Variants in PTCD2 observed in about 807,000 individuals in gnomAD.
PTCD2 encodes the protein pentatricopeptide repeat domain 2.
PTCD2 carries 31 observed loss-of-function variants against 42.6 expected under a neutral mutation model. The ratio of observed to expected loss-of-function variants is 0.73; its 90% CI spans 0.55 to 0.98. PTCD2 has a LOEUF of 0.98. PTCD2 is among the 50% of genes least tolerant of loss of function. The pLI, the probability that PTCD2 is intolerant of heterozygous loss-of-function variation, is 0.00. For synonymous variants in PTCD2, 183 were observed against 170.9 expected, an observed-to-expected ratio of 1.07 and a Z score of -0.55; for missense variants, 476 against 454.8, an observed-to-expected ratio of 1.05 and a Z score of -0.42.
intron 3 of PTCD2, among the ~76,000 whole-genome samples, chr5:72,326,949 TA>T (rs138414966): frequency 0.011 from 1,654 of 152,298 alleles, 28 homozygotes; most frequent in African/African-American, 0.038. Context: ...TGCTGGGTGC[TA>T]AGGATAGAAA....
intron 4 of PTCD2, among the ~76,000 whole-genome samples, chr5:72,333,808 G>C (rs940867721): frequency 1.3e-5 from 2 of 152,082 alleles, no homozygotes; most frequent in African/African-American, 4.8e-5. Flanking sequence ...AATTAGCTTG[G>C]CTTAGCCATT....
chr5:72,333,325 A>G (rs554551261), intron 4 of PTCD2, among the ~76,000 whole-genome samples: 1 of 152,218 alleles, frequency 6.6e-6, no homozygotes, highest in African/African-American at 2.4e-5. Context: ...ACTACCTTCC[A>G]TCCATCTTCT....
intron 4 of PTCD2, among the ~76,000 whole-genome samples, chr5:72,332,287 G>A (rs868838957): frequency 6.6e-6 from 1 of 152,044 alleles, no homozygotes; most frequent in Non-Finnish European, 1.5e-5. Context: ...AATGACACCT[G>A]TGTATTAGAA....
rs1753174008 is a variant in PTCD2 at position 72,365,252 on chromosome 5, CTG to C, written c.*6828_*6829del. Reference sequence around the variant, plus strand: ...AAGGCATCACGGTCTGTGAACTGGTCTGTGAACTGCGGGCCTGCCTGGAAATG... The same window carrying C: ...AAGGCATCACGGTCTGTGAACTGGTCTGAACTGCGGGCCTGCCTGGAAATG... On this transcript the variant is annotated 3_prime_UTR_variant, in exon 10 of 10. Coordinates refer to ENST00000380639, the MANE Select transcript of PTCD2 (RefSeq NM_024754.5). 2 of 152,374 alleles carry C rather than the reference CTG, an allele frequency of 1.3e-5. No homozygotes were observed. The highest frequency in any genetic ancestry group is 4.8e-5 in the African/African-American group (2 of 41,568). 9.4% of individuals were successfully genotyped at this position (152,374 alleles called of 1,614,324 possible). A position where few individuals can be genotyped will look rare whatever the true frequency, so the allele number is the denominator to read the frequency against.
rs374476238 is a variant in PTCD2 at position 72,335,049 on chromosome 5, C to T, written c.500C>T (p.Ser167Leu). ...HLRGFFSDSTSFNILMDMLFI... is the reference protein window; with the variant it reads ...HLRGFFSDSTLFNILMDMLFI... Reference sequence around the variant, plus strand: ...CGAGGTTTCTTCTCAGACTCCACATCATTCAATATTTTGATGGATATGTTA... The same window carrying T: ...CGAGGTTTCTTCTCAGACTCCACATTATTCAATATTTTGATGGATATGTTA... Residue 167 changes from serine (S) to leucine (L), a missense_variant, in exon 5 of 10, where the codon TCA (serine) becomes TTA (leucine). Transcript: ENST00000380639. 1.9e-6 allele frequency: 3 copies of T among 1,594,814 alleles called. No individual in the cohort carries two copies. The African/African-American group carries it at 4.0e-5, about 21-fold the overall frequency.
At position 72,352,736 on chromosome 5, in the gene PTCD2, T is replaced by C. The variant is rs201695093; in HGVS notation, c.924T>C (p.His308=). The change falls in exon 9 of 10, where the codon CAT becomes CAC. Residue 308 remains histidine, a synonymous_variant. Coordinates refer to ENST00000380639, the MANE Select transcript of PTCD2 (RefSeq NM_024754.5). ...ATTTATCAAAATTTGTGAAAAGACATGTGTTCTCGGAGGAAGTGGTGAGTA... is the reference window on the plus strand; with the variant it reads ...ATTTATCAAAATTTGTGAAAAGACACGTGTTCTCGGAGGAAGTGGTGAGTA... ...EGNLSKFVKR[H]VFSEEVLAKV... is the part of the protein sequence containing the mutation. 12 of 1,582,048 alleles carry C rather than the reference T, an allele frequency of 7.6e-6. No homozygotes were observed. The East Asian group carries it at 2.0e-4, about 27-fold the overall frequency.
At chr5:72,337,475 G>T (rs1580161935) in intron 6 of PTCD2, among the ~76,000 whole-genome samples, 1 of 152,010 alleles carries the variant, frequency 6.6e-6, no homozygotes. Flanking sequence ...GCCTCCCTGA[G>T]TGTATACTGC....
intron 8 of PTCD2, among the ~76,000 whole-genome samples, chr5:72,348,520 G>A (rs557109861): frequency 1.3e-5 from 2 of 152,106 alleles, no homozygotes; most frequent in African/African-American, 2.4e-5. Context: ...CAGCTAATAC[G>A]TGATACATAC....
chr5:72,342,052 T>A (rs867029060), intron 7 of PTCD2, among the ~76,000 whole-genome samples: 1 of 150,736 alleles, frequency 6.6e-6, no homozygotes, highest in Admixed American at 6.6e-5. Context: ...CTAAAAAAAA[T>A]AATAATAAAA....
In PTCD2 at chr5:72,335,003, GTTC is replaced by G. The variant is rs1487987599; in HGVS notation, c.469-8_469-6del. On this transcript the variant is annotated splice_polypyrimidine_tract_variant and intron_variant, in intron 4 of 9. Coordinates refer to ENST00000380639, the MANE Select transcript of PTCD2 (RefSeq NM_024754.5). ...TTTTAACTTTTAACCAAACTGTATTGTTCTTCTTCGTTAGCATTTACGAGGTTT... is the reference window on the plus strand; with the variant it reads ...TTTTAACTTTTAACCAAACTGTATTGTTCTTCGTTAGCATTTACGAGGTTT... 6.5e-6 allele frequency: 10 copies of G among 1,532,976 alleles called. No homozygotes were observed. The highest frequency in any genetic ancestry group is 9.0e-6 in the Non-Finnish European group (10 of 1,107,140). 95.0% of individuals were successfully genotyped at this position (1,532,976 alleles called of 1,614,324 possible).
intron 1 of PTCD2, 62 bp downstream of exon 1, chr5:72,320,571 C>A: frequency 6.2e-7 from 1 of 1,602,624 alleles, no homozygotes. Flanking sequence ...GTGTTAGATC[C>A]CAGCTAGCAT....
rs763769278 is a variant in PTCD2 at position 72,365,593 on chromosome 5, A to T, written c.*7166A>T. 1.3e-5 allele frequency: 2 copies of T among 152,220 alleles called. No homozygotes were observed. Among genetic ancestry groups the T allele is most frequent in the Non-Finnish European group, 2.9e-5 (2 of 68,058 alleles). 9.4% of individuals were successfully genotyped at this position (152,220 alleles called of 1,614,324 possible). ...ATTCTACCGCATCCCAGGGAGACTC[A>T]TGTAGCCATGAAGACTGAAGAGGAT... On this transcript the variant is annotated 3_prime_UTR_variant, in exon 10 of 10. Coordinates refer to ENST00000380639, the MANE Select transcript of PTCD2 (RefSeq NM_024754.5).
At chr5:72,353,400 T>C (rs1752715979) in intron 9 of PTCD2, among the ~76,000 whole-genome samples, 1 of 152,172 alleles carries the variant, frequency 6.6e-6, no homozygotes, top group Admixed American at 6.6e-5. Context: ...TCTGTACAAA[T>C]GAAAAGACAG....
intron 6 of PTCD2, among the ~76,000 whole-genome samples, chr5:72,337,874 G>T (rs1193124791): frequency 6.6e-6 from 1 of 152,216 alleles, no homozygotes. Flanking sequence ...AGAATAACTT[G>T]TTTCACCCAG....
rs1580202714 is a variant in PTCD2 at position 72,366,964 on chromosome 5, A to G, written c.*8537A>G. ...CAAATTGAGAAGGAAAATCCCCCCAATTAACTGTTTGCCTTTATTAACTAA... is the reference window on the plus strand; with the variant it reads ...CAAATTGAGAAGGAAAATCCCCCCAGTTAACTGTTTGCCTTTATTAACTAA... On this transcript the variant is annotated 3_prime_UTR_variant, in exon 10 of 10. Transcript: ENST00000380639. 1 of 152,240 alleles carries G rather than the reference A, an allele frequency of 6.6e-6. No homozygotes were observed. The highest frequency in any genetic ancestry group is 2.4e-5 in the African/African-American group (1 of 41,468). 9.4% of individuals were successfully genotyped at this position (152,240 alleles called of 1,614,324 possible).
Position 72,358,265 on chromosome 5 carries a change from C to A in PTCD2, c.1005C>A (p.Ile335=). 1 of 1,614,076 alleles carries A rather than the reference C, an allele frequency of 6.2e-7. No homozygotes were observed. The highest frequency in any genetic ancestry group is 8.5e-7 in the Non-Finnish European group (1 of 1,180,004). ...CCCTTGTGGCCAAATTTGATGAGAT[C>A]TATGGGACACTGCACATCACTGGCC... The part of the protein sequence containing the change: ...VPALVAKFDE[I]YGTLHITGQV... Residue 335 remains isoleucine, a synonymous_variant, in exon 10 of 10, where the codon ATC becomes ATA. Coordinates refer to ENST00000380639, the MANE Select transcript of PTCD2 (RefSeq NM_024754.5).
chr5:72,330,608 T>C (rs962949173), intron 3 of PTCD2, among the ~76,000 whole-genome samples: 20 of 152,342 alleles, frequency 1.3e-4, no homozygotes, highest in South Asian at 6.2e-4. Context: ...AGTAGTGATA[T>C]GCAGTTCTGA....
intron 8 of PTCD2, among the ~76,000 whole-genome samples, chr5:72,347,994 G>A (rs190913226): frequency 3.5e-4 from 53 of 152,284 alleles, no homozygotes; most frequent in East Asian, 1.2e-3. Flanking sequence ...TCTGAACTGC[G>A]TCACAGAATT....
rs1248535352 is a variant in PTCD2 at position 72,363,029 on chromosome 5, CTGCT to C, written c.*4603_*4606del. The C allele has an allele frequency of 3.3e-5, 5 of 152,276 alleles. No individual in the cohort carries two copies. The highest frequency in any genetic ancestry group is 1.2e-4 in the African/African-American group (5 of 41,570). 9.4% of individuals were successfully genotyped at this position (152,276 alleles called of 1,614,324 possible). A position where few individuals can be genotyped will look rare whatever the true frequency, so the allele number is the denominator to read the frequency against. On this transcript the variant is annotated 3_prime_UTR_variant, in exon 10 of 10. Coordinates refer to ENST00000380639, the MANE Select transcript of PTCD2 (RefSeq NM_024754.5). ...TTATAATGAGGAGGTAAGGATTTAC[CTGCT>C]ACAATTTGGGTAGGCAAAAATGTAG... is the stretch of plus-strand genomic sequence containing the variant.
Sources: allele counts gnomAD v4.1 joint callset (sites outside exome capture counted in the v4.1 genomes callset), GRCh38; gene constraint gnomAD v4.1.1; transcripts MANE v1.5; gene names NCBI Gene and HGNC (gene_info 2026-07-23, HGNC 2026-07-21).